The following TMEM175 variants were observed in gnomAD, a reference collection of about 807,000 sequenced individuals.
The protein encoded by TMEM175 is endosomal/lysosomal proton channel TMEM175.
TMEM175 carries 36 observed loss-of-function variants against 36.5 expected under a neutral mutation model. That is an observed-to-expected ratio of 0.99 (90% CI 0.76 to 1.30). The LOEUF is 1.30. Among genes scored for constraint, TMEM175 ranks in the 50% most tolerant of loss-of-function variants. TMEM175 has a pLI of 0.00. For synonymous variants in TMEM175, 339 were observed against 313.4 expected, an observed-to-expected ratio of 1.08 and a Z score of -0.86; for missense variants, 705 against 692.8, an observed-to-expected ratio of 1.02 and a Z score of -0.20.
intron 7 of TMEM175, 91 bp from the exon 8 acceptor site, chr4:953,099 G>A: frequency 7.3e-7 from 1 of 1,369,152 alleles, no homozygotes; most frequent in Admixed American, 2.4e-5. Flanking sequence ...CGAGACCCTT[G>A]CGTGCGTGTG....
intron 1 of TMEM175, among the ~76,000 whole-genome samples, chr4:944,843 G>T (rs765361409): frequency 6.6e-6 from 1 of 152,208 alleles, no homozygotes; most frequent in Admixed American, 6.5e-5. Flanking sequence ...GCTCTCGCCT[G>T]TAATCCAAGC....
intron 1 of TMEM175, among the ~76,000 whole-genome samples, chr4:940,681 G>A (rs28817103): frequency 0.087 from 13,207 of 151,906 alleles, 683 homozygotes; most frequent in South Asian, 0.18. Flanking sequence ...CAATTGTGCC[G>A]TATGTGCCAC....
rs1456201869 is a variant in TMEM175, at chr4:934,734, G to A, written c.-32+2194G>A. On this transcript the variant is annotated intron_variant, in intron 1 of 10. Coordinates refer to ENST00000264771, the MANE Select transcript of TMEM175 (RefSeq NM_032326.4). ...CTAAAGCGGATGGAAGGGAGAGAAGGTTTGCTGGTACAGAAAAAAGAGGAA... is the reference window on the plus strand; with the variant it reads ...CTAAAGCGGATGGAAGGGAGAGAAGATTTGCTGGTACAGAAAAAAGAGGAA... Among the ~76,000 whole-genome samples, 7 of 152,316 alleles carry A rather than the reference G, an allele frequency of 4.6e-5. 1 individual carries two copies. In the Middle Eastern group the frequency reaches 0.02, roughly 444 times the overall value.
intron 8 of TMEM175, among the ~76,000 whole-genome samples, chr4:955,179 C>T (rs571061429): frequency 2.0e-5 from 3 of 152,236 alleles, no homozygotes; most frequent in East Asian, 1.9e-4. Context: ...TGGGCCCAAG[C>T]GATCCACCTG....
At chr4:938,028 A>C (rs1726992492) in intron 1 of TMEM175, among the ~76,000 whole-genome samples, 1 of 152,208 alleles carries the variant, frequency 6.6e-6, no homozygotes, top group Non-Finnish European at 1.5e-5. Flanking sequence ...CTAGGAATAA[A>C]ATGAAACTTC....
At chr4:957,651 T>A (rs1428209591) in intron 10 of TMEM175, among the ~76,000 whole-genome samples, 173 bp from the exon 11 acceptor site, 1 of 152,242 alleles carries the variant, frequency 6.6e-6, no homozygotes, top group Non-Finnish European at 1.5e-5. Context: ...TAACAGTCAG[T>A]GTGCCAAATA....
rs199980539 is a variant in TMEM175, at chr4:958,034, C to T, written c.1053C>T (p.Phe351=). 23 of 1,611,414 alleles carry T rather than the reference C, an allele frequency of 1.4e-5. No homozygotes were observed. Among genetic ancestry groups the T allele is most frequent in the Admixed American group, 6.7e-5 (4 of 59,992 alleles). ...MGLLNTLSLA[F]VGGLPLAYQQ... is the part of the protein sequence containing the mutation. ...TGCTGAACACGCTCTCGCTGGCCTT[C>T]GTGGGTGGCCTCCCACTAGCCTACC... Residue 351 remains phenylalanine (F), a synonymous_variant, in exon 11 of 11, where the codon TTC becomes TTT. Transcript: ENST00000264771.
At position 957,883 on chromosome 4, in the gene TMEM175, C is replaced by T. The variant is rs1484088926; in HGVS notation, c.902C>T (p.Ala301Val). The part of the protein sequence containing the change: ...VKERFSGSLV[A>V]ALSATGPRFL... ...GAGAGGTTCAGCGGCAGCCTCGTGG[C>T]CGCCCTGAGTGCGACCGGGCCGCGC... Residue 301 changes from alanine to valine, a missense_variant, in exon 11 of 11, where the codon GCC becomes GTC. By Grantham distance (64) the Ala-to-Val change is moderately conservative (BLOSUM62 0). Coordinates refer to ENST00000264771, the MANE Select transcript of TMEM175 (RefSeq NM_032326.4). 3.7e-6 allele frequency: 6 copies of T among 1,612,634 alleles called. No homozygotes were observed. The highest frequency in any genetic ancestry group is 4.5e-5 in the East Asian group (2 of 44,900).
intron 1 of TMEM175, among the ~76,000 whole-genome samples, chr4:943,076 A>G (rs896179626): frequency 1.3e-5 from 2 of 152,220 alleles, no homozygotes; most frequent in African/African-American, 4.8e-5. Context: ...AAACTCAATG[A>G]CATTACAAAC....
At position 934,716 on chromosome 4, in the gene TMEM175, G is replaced by C. The variant is rs372952098; in HGVS notation, c.-32+2176G>C. On this transcript the variant is annotated intron_variant, in intron 1 of 10. Transcript: ENST00000264771. ...GAGAGATTCTTGAGCAGCCTAAAGC[G>C]GATGGAAGGGAGAGAAGGTTTGCTG... Among the ~76,000 whole-genome samples, 301 of 152,280 alleles carry C rather than the reference G, an allele frequency of 2.0e-3. 13 individuals carry two copies. In the South Asian group the frequency reaches 0.058, roughly 30 times the overall value.
chr4:938,845 A>C (rs1461149909), intron 1 of TMEM175, among the ~76,000 whole-genome samples: 1 of 152,252 alleles, frequency 6.6e-6, no homozygotes, highest in Non-Finnish European at 1.5e-5. Context: ...AATGTAAACC[A>C]GTCAAATTCC....
chr4:948,384 C>G, intron 3 of TMEM175: 1 of 1,530,596 alleles, frequency 6.5e-7, no homozygotes, highest in Non-Finnish European at 8.7e-7. Context: ...GGAGACTGGG[C>G]TCCTAGGGCT....
chr4:934,063 G>T (rs1033657016), intron 1 of TMEM175, among the ~76,000 whole-genome samples: 4 of 152,236 alleles, frequency 2.6e-5, no homozygotes, highest in Non-Finnish European at 5.9e-5. Context: ...TATTCGGCCA[G>T]GGCCAACAAG....
intron 1 of TMEM175, among the ~76,000 whole-genome samples, chr4:945,239 C>T (rs962002975): frequency 1.7e-4 from 25 of 150,204 alleles, no homozygotes; most frequent in African/African-American, 5.9e-4. Context: ...GCTAAACTGT[C>T]GCTGAAACAC....
At chr4:955,101 CCTGA>C (rs1476931025) in intron 8 of TMEM175, among the ~76,000 whole-genome samples, 7 of 152,124 alleles carry the variant, frequency 4.6e-5, no homozygotes, top group South Asian at 2.1e-4. Flanking sequence ...CACAGTCACA[CCTGA>C]CTAATTTTTT....
At chr4:937,838 A>G (rs914604921) in intron 1 of TMEM175, among the ~76,000 whole-genome samples, 1 of 152,358 alleles carries the variant, frequency 6.6e-6, no homozygotes, top group Admixed American at 6.5e-5. Context: ...AAAGGATAGT[A>G]CACCGTGACC....
chr4:938,532 A>C (rs953359228), intron 1 of TMEM175, among the ~76,000 whole-genome samples: 3 of 152,152 alleles, frequency 2.0e-5, no homozygotes, highest in Non-Finnish European at 4.4e-5. Flanking sequence ...ATCGGATAGA[A>C]TCTATAAAAA....
intron 1 of TMEM175, among the ~76,000 whole-genome samples, chr4:940,593 C>T (rs1220494074): frequency 6.6e-6 from 1 of 151,910 alleles, no homozygotes; most frequent in Non-Finnish European, 1.5e-5. Context: ...TTGTCAAAAC[C>T]CATAGAATAC....
intron 1 of TMEM175, among the ~76,000 whole-genome samples, chr4:942,932 G>T (rs945111523): frequency 1.6e-4 from 25 of 151,934 alleles, no homozygotes; most frequent in Non-Finnish European, 2.9e-4. Flanking sequence ...GAGCCACTGC[G>T]CCCAGCCAAA....
Sources: gnomAD v4.1 joint callset for allele counts (sites outside exome capture counted in the v4.1 genomes callset) on GRCh38, gnomAD v4.1.1 for gene constraint, MANE v1.5 for transcripts, NCBI Gene and HGNC (gene_info 2026-07-23, HGNC 2026-07-21) for gene names.